The following C8orf34 variants were observed in gnomAD, a reference collection of about 807,000 sequenced individuals.
The protein encoded by C8orf34 is uncharacterized protein C8orf34.
Under a neutral mutation model 68.3 loss-of-function variants are expected in C8orf34, and 65 were observed. That is an observed-to-expected ratio of 0.95 (90% CI 0.78 to 1.17). The LOEUF (loss-of-function observed/expected upper bound fraction) is 1.17. Among genes scored for constraint, C8orf34 ranks in the 50% most tolerant of loss-of-function variants. The pLI is 0.00. For synonymous variants in C8orf34, 244 were observed against 241.2 expected (o/e 1.01, Z -0.11); for missense variants, 664 against 655.4 (o/e 1.01, Z -0.14).
chr8:68,461,147 G>A (rs1214085635), intron 3 of C8orf34, among the ~76,000 whole-genome samples: 1 of 152,218 alleles, frequency 6.6e-6, no homozygotes, highest in Non-Finnish European at 1.5e-5. Flanking sequence ...GAAGAATGCA[G>A]AAGCCTCAGG....
At chr8:68,763,981 A>G (rs1035243563) in intron 10 of C8orf34, among the ~76,000 whole-genome samples, 1 of 152,172 alleles carries the variant, frequency 6.6e-6, no homozygotes, top group Non-Finnish European at 1.5e-5. Flanking sequence ...AATCCCTTTC[A>G]CTAGAGATCC....
chr8:68,544,137 T>G (rs1815792255), intron 7 of C8orf34, among the ~76,000 whole-genome samples: 1 of 152,070 alleles, frequency 6.6e-6, no homozygotes, highest in Non-Finnish European at 1.5e-5. Flanking sequence ...ATGGACATAG[T>G]CTACAGGGGT....
At chr8:68,527,497 G>A (rs545979841) in intron 6 of C8orf34, among the ~76,000 whole-genome samples, 49 of 152,262 alleles carry the variant, frequency 3.2e-4, no homozygotes, top group Admixed American at 5.2e-4. Flanking sequence ...GCGTGAACCC[G>A]GGAGGTGGAG....
At chr8:68,743,270 A>G (rs1239595188) in intron 10 of C8orf34, among the ~76,000 whole-genome samples, 2 of 152,184 alleles carry the variant, frequency 1.3e-5, no homozygotes, top group Non-Finnish European at 2.9e-5. Context: ...GAGGAATAGC[A>G]TGTTTTTTTA....
intron 7 of C8orf34, among the ~76,000 whole-genome samples, chr8:68,620,098 G>A (rs189229393): frequency 2.7e-3 from 406 of 152,252 alleles, no homozygotes; most frequent in South Asian, 6.0e-3. Context: ...CACACATCAC[G>A]GAAGTGCAGG....
chr8:68,721,446 A>G lies in C8orf34; in HGVS notation c.1404+9A>G. The G allele has an allele frequency of 6.4e-7, 1 of 1,574,298 alleles. No individual in the cohort carries two copies. The highest frequency in any genetic ancestry group is 8.7e-7 in the Non-Finnish European group (1 of 1,148,788). ...CTAAACTAACAGGACCTGTAAGTAT[A>G]TTCATTGACTTATTTTTTTTAATTG... On this transcript the variant is annotated intron_variant, in intron 10 of 13. Transcript: ENST00000518698.
intron 1 of C8orf34, among the ~76,000 whole-genome samples, chr8:68,430,555 A>G (rs1372988738): frequency 6.6e-6 from 1 of 152,294 alleles, no homozygotes; most frequent in East Asian, 1.9e-4. Context: ...ATGCCAACAC[A>G]TACACAGTAT....
intron 3 of C8orf34, among the ~76,000 whole-genome samples, chr8:68,464,759 G>A (rs1416922740): frequency 6.6e-6 from 1 of 151,522 alleles, no homozygotes; most frequent in Non-Finnish European, 1.5e-5. Context: ...GGAGAAAGCT[G>A]AAACTGGATC....
chr8:68,453,051 C>G (rs1045717547), intron 3 of C8orf34, among the ~76,000 whole-genome samples: 1 of 151,898 alleles, frequency 6.6e-6, no homozygotes, highest in African/African-American at 2.4e-5. Context: ...AATCTTGTCA[C>G]CCCATTGAAA....
intron 10 of C8orf34, among the ~76,000 whole-genome samples, chr8:68,721,848 T>A (rs1821686805): frequency 6.6e-6 from 1 of 152,020 alleles, no homozygotes; most frequent in Admixed American, 6.6e-5. Flanking sequence ...TTTAAGATTT[T>A]TAATGCAATT....
intron 1 of C8orf34, among the ~76,000 whole-genome samples, chr8:68,354,594 G>T (rs1806666212): frequency 6.6e-6 from 1 of 152,066 alleles, no homozygotes; most frequent in Non-Finnish European, 1.5e-5. Flanking sequence ...CTGATTGACT[G>T]CCAGAGTTTA....
chr8:68,373,205 G>C (rs1442953200), intron 1 of C8orf34, among the ~76,000 whole-genome samples: 1 of 152,116 alleles, frequency 6.6e-6, no homozygotes, highest in Non-Finnish European at 1.5e-5. Context: ...ATGTTGGCCA[G>C]GCTGGTCTCG....
intron 1 of C8orf34, among the ~76,000 whole-genome samples, chr8:68,359,633 A>G (rs1806899062): frequency 6.6e-6 from 1 of 151,980 alleles, no homozygotes; most frequent in African/African-American, 2.4e-5. Context: ...TTCTCCTGTC[A>G]CTCTATACCC....
At chr8:68,691,197 G>T (rs749070514) in intron 8 of C8orf34, among the ~76,000 whole-genome samples, 1 of 151,980 alleles carries the variant, frequency 6.6e-6, no homozygotes. Context: ...ATACTGCATT[G>T]TTTGCAAATT....
intron 6 of C8orf34, among the ~76,000 whole-genome samples, chr8:68,524,644 A>G (rs1427431779): frequency 2.0e-5 from 3 of 152,204 alleles, no homozygotes; most frequent in South Asian, 2.1e-4. Flanking sequence ...GATCCTACCA[A>G]TTGGTATCAA....
At chr8:68,603,723 C>T (rs1412107670) in intron 7 of C8orf34, among the ~76,000 whole-genome samples, 2 of 151,976 alleles carry the variant, frequency 1.3e-5, no homozygotes, top group African/African-American at 4.8e-5. Flanking sequence ...AAAAAAACCA[C>T]AGTGGGGATA....
chr8:68,612,128 G>C (rs1298278412), intron 7 of C8orf34, among the ~76,000 whole-genome samples: 7 of 150,502 alleles, frequency 4.7e-5, no homozygotes, highest in Non-Finnish European at 4.5e-5. Flanking sequence ...AGGTAGGACG[G>C]TCATCTCGTA....
intron 4 of C8orf34, among the ~76,000 whole-genome samples, chr8:68,482,514 A>C (rs1812903736): frequency 6.6e-6 from 1 of 152,162 alleles, no homozygotes; most frequent in Non-Finnish European, 1.5e-5. Flanking sequence ...AGTTCAAGTG[A>C]TCCTCCCACC....
chr8:68,569,156 A>G (rs1246520762), intron 7 of C8orf34, among the ~76,000 whole-genome samples: 1 of 152,252 alleles, frequency 6.6e-6, no homozygotes, highest in Non-Finnish European at 1.5e-5. Context: ...GAATCTTCAC[A>G]CACTTTCCCT....
Sources: gnomAD v4.1 joint callset for allele counts (sites outside exome capture counted in the v4.1 genomes callset) on GRCh38, gnomAD v4.1.1 for gene constraint, MANE v1.5 for transcripts, NCBI Gene and HGNC (gene_info 2026-07-23, HGNC 2026-07-21) for gene names.